Variants in RNF24 observed in about 807,000 individuals in gnomAD.
RNF24 encodes ring finger protein 24.
Under a neutral mutation model 20.0 loss-of-function variants are expected in RNF24, and 14 were observed. That is an observed-to-expected ratio of 0.70 (90% CI 0.46 to 1.10). RNF24 has a LOEUF of 1.10. RNF24 is among the 50% of genes least tolerant of loss of function. The pLI, the probability that RNF24 is intolerant of heterozygous loss-of-function variation, is 0.00. For missense variants in RNF24, 124 were observed against 177.6 expected, an observed-to-expected ratio of 0.70 and a Z score of 1.71; for synonymous variants, 45 against 61.1, an observed-to-expected ratio of 0.74 and a Z score of 1.23.
At chr20:3,982,304 G>T (rs571617022) in intron 1 of RNF24, among the ~76,000 whole-genome samples, 4 of 151,454 alleles carry the variant, frequency 2.6e-5, no homozygotes, top group African/African-American at 9.7e-5. Context: ...AGGGTTGGGC[G>T]CAGTGGCTCA....
At chr20:3,946,693 CAAA>C (rs59440287) in intron 3 of RNF24, among the ~76,000 whole-genome samples, 29 of 104,402 alleles carry the variant, frequency 2.8e-4, no homozygotes, top group Admixed American at 4.3e-4. Flanking sequence ...GAGACCCCGT[CAAA>C]AAAAAAAAAA....
intron 1 of RNF24, among the ~76,000 whole-genome samples, chr20:3,988,438 T>C (rs1980120963): frequency 6.7e-6 from 1 of 150,344 alleles, no homozygotes; most frequent in Non-Finnish European, 1.5e-5. Context: ...AATATAGAGA[T>C]GGCTCATGAA....
At chr20:3,981,211 T>C (rs1343338261) in intron 1 of RNF24, among the ~76,000 whole-genome samples, 1 of 152,176 alleles carries the variant, frequency 6.6e-6, no homozygotes, top group East Asian at 1.9e-4. Context: ...TTTTGCCTTC[T>C]ACCAAGTGTA....
chr20:3,942,691 T>A (rs981632990), intron 4 of RNF24, among the ~76,000 whole-genome samples: 1 of 152,102 alleles, frequency 6.6e-6, no homozygotes, highest in Non-Finnish European at 1.5e-5. Flanking sequence ...GCCAGGATGG[T>A]CTCGATCTCC....
intron 1 of RNF24, among the ~76,000 whole-genome samples, chr20:4,002,543 C>T (rs1398821498): frequency 1.3e-5 from 2 of 152,052 alleles, no homozygotes; most frequent in Non-Finnish European, 2.9e-5. Context: ...AAAGAAGAAC[C>T]TCACTAGCAG....
chr20:3,941,630 A>C (rs2090956474), intron 4 of RNF24, among the ~76,000 whole-genome samples: 1 of 152,220 alleles, frequency 6.6e-6, no homozygotes, highest in Non-Finnish European at 1.5e-5. Flanking sequence ...TGGTAAACCT[A>C]ATTCTAAATG....
At chr20:3,944,914 C>T (rs534889486) in intron 4 of RNF24, among the ~76,000 whole-genome samples, 2 of 152,274 alleles carry the variant, frequency 1.3e-5, no homozygotes, top group East Asian at 1.9e-4. Flanking sequence ...GTTTCCTATT[C>T]ATACAGCATG....
chr20:3,969,276 G>A (rs1453231105), intron 1 of RNF24, among the ~76,000 whole-genome samples: 1 of 152,076 alleles, frequency 6.6e-6, no homozygotes, highest in Non-Finnish European at 1.5e-5. Context: ...AGACAGTCAG[G>A]TAGACTTCTG....
chr20:3,972,855 A>G (rs1978482125), intron 1 of RNF24, among the ~76,000 whole-genome samples: 1 of 151,978 alleles, frequency 6.6e-6, no homozygotes, highest in South Asian at 2.1e-4. Flanking sequence ...GTGAGCCGAG[A>G]TCGCGCCACT....
At chr20:3,952,000 G>T (rs1426103426) in intron 2 of RNF24, among the ~76,000 whole-genome samples, 1 of 152,054 alleles carries the variant, frequency 6.6e-6, no homozygotes, top group Non-Finnish European at 1.5e-5. Context: ...TTGAGATCTG[G>T]GTGCTTGGTG....
At chr20:3,965,606 A>T (rs1401089080) in intron 1 of RNF24, among the ~76,000 whole-genome samples, 1 of 152,206 alleles carries the variant, frequency 6.6e-6, no homozygotes, top group Non-Finnish European at 1.5e-5. Context: ...TCTTCTTACG[A>T]AGGGAAGGAA....
At chr20:3,982,535 C>T (rs1329296284) in intron 1 of RNF24, among the ~76,000 whole-genome samples, 1 of 147,826 alleles carries the variant, frequency 6.8e-6, no homozygotes, top group Non-Finnish European at 1.5e-5. Flanking sequence ...CGAGATCGTG[C>T]CATTTTGCAC....
chr20:4,011,968 A>C (rs1982492323), intron 1 of RNF24, among the ~76,000 whole-genome samples: 2 of 152,264 alleles, frequency 1.3e-5, no homozygotes, highest in Non-Finnish European at 2.9e-5. Flanking sequence ...AAAAGAAACC[A>C]GTAAGAGTTG....
At chr20:3,935,691 T>C (rs1438390221) in intron 4 of RNF24, among the ~76,000 whole-genome samples, 1 of 152,344 alleles carries the variant, frequency 6.6e-6, no homozygotes, top group East Asian at 1.9e-4. Flanking sequence ...CTAGTCTCCA[T>C]GGCTTGGAGA....
chr20:4,011,727 A>G (rs1249103577), intron 1 of RNF24, among the ~76,000 whole-genome samples: 1 of 152,246 alleles, frequency 6.6e-6, no homozygotes, highest in African/African-American at 2.4e-5. Context: ...AAGAAAACAC[A>G]GTAATAGCAC....
In RNF24 at chr20:3,963,958, C is replaced by T; in HGVS notation, c.60G>A (p.Leu20=). ...FRMPNIGFQN[L]PLNIYIVVFG... ...AAACCACAATATATATGTTGAGAGG[C>T]AGATTCTGGAATCCAATATTAGGCA... is the stretch of plus-strand genomic sequence containing the variant. The change falls in exon 2 of 6, where the codon CTG becomes CTA. Residue 20 remains leucine (L), a synonymous_variant. Coordinates refer to ENST00000358395, the MANE Select transcript of RNF24 (RefSeq NM_001134337.3). The T allele has an allele frequency of 6.2e-7, 1 of 1,612,922 alleles. No individual in the cohort carries two copies. Among genetic ancestry groups the T allele is most frequent in the Non-Finnish European group, 8.5e-7 (1 of 1,179,210 alleles).
At position 4,013,062 on chromosome 20, in the gene RNF24, T is replaced by G. The variant is rs2038730678; in HGVS notation, c.-8+2375A>C. On this transcript the variant is annotated intron_variant, in intron 1 of 5. Coordinates refer to ENST00000358395, the MANE Select transcript of RNF24 (RefSeq NM_001134337.3). ...CATAAAAGCCTTGTTTTAAATTAAC[T>G]TATCTGAATTAAATTAATTGATATT... Among the ~76,000 whole-genome samples the G allele has an allele frequency of 2.6e-5, 4 of 152,158 alleles. No individual in the cohort carries two copies. In the South Asian group the frequency reaches 8.3e-4, roughly 31 times the overall value.
chr20:3,954,286 T>G (rs890017503), intron 2 of RNF24, among the ~76,000 whole-genome samples: 1 of 152,206 alleles, frequency 6.6e-6, no homozygotes, highest in Non-Finnish European at 1.5e-5. Flanking sequence ...ATCTGCTTTT[T>G]GTCTCTATAG....
At chr20:3,998,156 T>C (rs1174300316) in intron 1 of RNF24, among the ~76,000 whole-genome samples, 1 of 152,152 alleles carries the variant, frequency 6.6e-6, no homozygotes, top group African/African-American at 2.4e-5. Flanking sequence ...GAATAAAAAA[T>C]GTGGCCAGGC....
Sources: gnomAD v4.1 joint callset for allele counts (sites outside exome capture counted in the v4.1 genomes callset) on GRCh38, gnomAD v4.1.1 for gene constraint, MANE v1.5 for transcripts, NCBI Gene and HGNC (gene_info 2026-07-23, HGNC 2026-07-21) for gene names.